The following MIS18A variants were observed in gnomAD, a reference collection of about 807,000 sequenced individuals.
The protein encoded by MIS18A is protein Mis18-alpha.
A neutral mutation model predicts 25.0 loss-of-function variants in MIS18A; 14 were observed. The observed-to-expected ratio is 0.56, with a 90% CI of 0.37 to 0.88. The LOEUF is 0.88. Ranked by LOEUF, MIS18A falls within the 40% of genes least tolerant of loss-of-function variation. The probability of loss-of-function intolerance (pLI) is 0.00; values close to 1 mark genes in which losing one functional copy is unlikely to be tolerated. For missense variants in MIS18A, 292 were observed against 290.8 expected, an observed-to-expected ratio of 1.00 and a Z score of -0.03; for synonymous variants, 134 against 118.6, an observed-to-expected ratio of 1.13 and a Z score of -0.84.
At chr21:32,167,101 T>G in the MIS18A span, among the ~76,000 whole-genome samples, 1 of 152,228 alleles carries the variant, frequency 6.6e-6, no homozygotes, top group Non-Finnish European at 1.5e-5. Context: ...AAACTGAGCT[T>G]AATGAAGACC....
At chr21:32,218,924 T>C in the MIS18A span, among the ~76,000 whole-genome samples, 1 of 151,766 alleles carries the variant, frequency 6.6e-6, no homozygotes. Flanking sequence ...AAACATTAGC[T>C]GGGTATGGTA....
the MIS18A span, among the ~76,000 whole-genome samples, chr21:32,256,384 C>T: frequency 1.3e-5 from 2 of 152,116 alleles, no homozygotes; most frequent in Non-Finnish European, 2.9e-5. Flanking sequence ...TCAGTTTCAT[C>T]GGATGACTTG....
At chr21:32,230,170 A>G in the MIS18A span, among the ~76,000 whole-genome samples, 1 of 152,190 alleles carries the variant, frequency 6.6e-6, no homozygotes, top group South Asian at 2.1e-4. Flanking sequence ...ATAAGAACTG[A>G]ATTATCATCT....
At chr21:32,189,138 G>A in the MIS18A span, among the ~76,000 whole-genome samples, 7 of 151,928 alleles carry the variant, frequency 4.6e-5, no homozygotes, top group African/African-American at 1.7e-4. Flanking sequence ...TGCGGACACC[G>A]CCATGACTCC....
At chr21:32,246,661 T>A in the MIS18A span, among the ~76,000 whole-genome samples, 1 of 152,194 alleles carries the variant, frequency 6.6e-6, no homozygotes, top group African/African-American at 2.4e-5. Context: ...CTTTATCTTA[T>A]CCGACTCTTG....
the MIS18A span, among the ~76,000 whole-genome samples, chr21:32,174,533 G>C: frequency 1.4e-4 from 21 of 152,114 alleles, no homozygotes; most frequent in African/African-American, 5.1e-4. Flanking sequence ...AAAATAAAAA[G>C]ATGAACATTT....
intron 2 of MIS18A, 22 bp from the exon 3 acceptor site, chr21:32,270,551 C>A: frequency 6.6e-7 from 1 of 1,509,036 alleles, no homozygotes; most frequent in Non-Finnish European, 8.8e-7. Context: ...AAATGTCTTG[C>A]TTTAGGAAAC....
At chr21:32,157,475 T>C in the MIS18A span, among the ~76,000 whole-genome samples, 1 of 124,142 alleles carries the variant, frequency 8.1e-6, no homozygotes, top group Non-Finnish European at 1.6e-5. Flanking sequence ...AAGAATTTTG[T>C]CCTTAAAGTG....
the MIS18A span, among the ~76,000 whole-genome samples, chr21:32,182,198 A>G: frequency 6.6e-6 from 1 of 152,186 alleles, no homozygotes; most frequent in African/African-American, 2.4e-5. Flanking sequence ...TGAGGATTCC[A>G]TGGTCACCCT....
chr21:32,244,597 T>G, the MIS18A span, among the ~76,000 whole-genome samples: 3 of 151,684 alleles, frequency 2.0e-5, no homozygotes, highest in East Asian at 1.9e-4. Flanking sequence ...AGTAGCCAGG[T>G]GTGGGGGTGC....
At position 32,268,367 on chromosome 21, in the gene MIS18A, A is replaced by G. The variant is rs1003680874; in HGVS notation, c.*670T>C. On this transcript the variant is annotated 3_prime_UTR_variant, in exon 5 of 5. Transcript: ENST00000290130. ...ACTCCTCTTTGGTAAGTATTCCTCC[A>G]GGTTTTTTAAGCATATAGTAGTACA... is the stretch of plus-strand genomic sequence containing the variant. 6.6e-6 allele frequency: 1 copy of G among 152,224 alleles called. No individual in the cohort carries two copies. The highest frequency in any genetic ancestry group is 2.4e-5 in the African/African-American group (1 of 41,458). 9.4% of individuals were successfully genotyped at this position (152,224 alleles called of 1,614,324 possible).
At chr21:32,272,864 G>T (rs768336772) in intron 2 of MIS18A, among the ~76,000 whole-genome samples, 4 of 152,318 alleles carry the variant, frequency 2.6e-5, no homozygotes, top group Admixed American at 2.6e-4. Context: ...AGAAAGTGGA[G>T]AAGAAAGAGC....
At chr21:32,174,188 C>T in the MIS18A span, among the ~76,000 whole-genome samples, 3 of 151,862 alleles carry the variant, frequency 2.0e-5, no homozygotes, top group African/African-American at 7.3e-5. Flanking sequence ...TCATCTCGAT[C>T]TCCTGACCTC....
chr21:32,276,378 G>A (rs527875899), intron 1 of MIS18A, among the ~76,000 whole-genome samples: 35 of 144,540 alleles, frequency 2.4e-4, no homozygotes, highest in Non-Finnish European at 3.7e-4. Flanking sequence ...GGAGAATAGC[G>A]TGAACCCGGG....
At chr21:32,236,822 G>A in the MIS18A span, among the ~76,000 whole-genome samples, 1 of 152,198 alleles carries the variant, frequency 6.6e-6, no homozygotes, top group Non-Finnish European at 1.5e-5. Context: ...TGGGAGCCAT[G>A]AGTCCAGCTA....
the MIS18A span, among the ~76,000 whole-genome samples, chr21:32,171,483 G>T: frequency 6.6e-6 from 1 of 152,016 alleles, no homozygotes; most frequent in Non-Finnish European, 1.5e-5. Context: ...CACATTCTGA[G>T]AAATGTCTTT....
chr21:32,168,846 A>C, the MIS18A span, among the ~76,000 whole-genome samples: 2 of 152,330 alleles, frequency 1.3e-5, no homozygotes, highest in South Asian at 4.1e-4. Flanking sequence ...ACAGAGTATA[A>C]CTAGTAGGAT....
downstream of MIS18A, among the ~76,000 whole-genome samples, chr21:32,263,713 G>A (rs898273171): frequency 1.3e-5 from 2 of 151,896 alleles, no homozygotes; most frequent in Admixed American, 6.6e-5. Context: ...GTGTTGAAAA[G>A]AGAAGTCACT....
the MIS18A span, among the ~76,000 whole-genome samples, chr21:32,184,049 C>T: frequency 6.6e-6 from 1 of 152,152 alleles, no homozygotes; most frequent in Non-Finnish European, 1.5e-5. Context: ...AACCCCCACT[C>T]TGTCTACACC....
Sources: gnomAD v4.1 joint callset for allele counts (sites outside exome capture counted in the v4.1 genomes callset) on GRCh38, gnomAD v4.1.1 for gene constraint, MANE v1.5 for transcripts, NCBI Gene and HGNC (gene_info 2026-07-23, HGNC 2026-07-21) for gene names.